DLC1: variants seen among roughly 807,000 people sequenced by gnomAD.
The protein encoded by DLC1 is rho GTPase-activating protein 7.
DLC1 carries 54 observed loss-of-function variants against 140.3 expected under a neutral mutation model. The observed-to-expected ratio is 0.38, with a 90% CI of 0.31 to 0.48. DLC1 has a LOEUF of 0.48. Among genes scored for constraint, DLC1 ranks in the 20% least tolerant of loss-of-function variants. DLC1 has a pLI of 0.96. For synonymous variants in DLC1, 986 were observed against 728.1 expected (o/e 1.35, Z -5.70); for missense variants, 2,536 against 1,907.0 (o/e 1.33, Z -6.14).
At chr8:13,110,134 C>T (rs1253687267) in intron 7 of DLC1, among the ~76,000 whole-genome samples, 3 of 152,150 alleles carry the variant, frequency 2.0e-5, no homozygotes, top group Non-Finnish European at 4.4e-5. Flanking sequence ...TCGACTGCTA[C>T]AGGTTTTATT....
rs533922900 is a variant in DLC1 at position 13,321,967 on chromosome 8, A to G, written c.1315-16665T>C. Reference sequence around the variant, plus strand: ...ATCTGGGTAAAAATTCCATTAACAAATGCTGCATTTTCATAGATCCTCTAT... The same window carrying G: ...ATCTGGGTAAAAATTCCATTAACAAGTGCTGCATTTTCATAGATCCTCTAT... On this transcript the variant is annotated intron_variant, in intron 4 of 17. Transcript: ENST00000276297. Among the ~76,000 whole-genome samples, 56 of 152,320 alleles carry G rather than the reference A, an allele frequency of 3.7e-4. 1 individual carries two copies. The East Asian group carries it at 0.01, about 28-fold the overall frequency.
intron 2 of DLC1, among the ~76,000 whole-genome samples, chr8:13,452,668 T>C (rs1799122434): frequency 6.6e-6 from 1 of 152,142 alleles, no homozygotes; most frequent in Non-Finnish European, 1.5e-5. Context: ...TGCTGGTACC[T>C]CACATATAGC....
At chr8:13,184,206 TTTC>T (rs1158936825) in intron 5 of DLC1, among the ~76,000 whole-genome samples, 1 of 152,196 alleles carries the variant, frequency 6.6e-6, no homozygotes, top group Non-Finnish European at 1.5e-5. Flanking sequence ...TCTTCTCTCT[TTTC>T]TTCTTTATTA....
At position 13,588,909 on chromosome 8, in the gene DLC1, C is replaced by T. The variant is rs150886697; in HGVS notation, c.-126+15628G>A. On this transcript the variant is annotated intron_variant, in intron 1 of 1. Transcript: ENST00000631382. Reference sequence around the variant, plus strand: ...GATAAGTGAGGAGGGAGAAGGTCACCTGTTTAACAAGCTACATTACCCCAA... The same window carrying T: ...GATAAGTGAGGAGGGAGAAGGTCACTTGTTTAACAAGCTACATTACCCCAA... Among the ~76,000 whole-genome samples the T allele has an allele frequency of 7.2e-5, 11 of 152,088 alleles. No homozygotes were observed. The East Asian group carries it at 2.1e-3, about 29-fold the overall frequency.
At chr8:13,377,449 G>A (rs1372085079) in intron 4 of DLC1, among the ~76,000 whole-genome samples, 1 of 152,080 alleles carries the variant, frequency 6.6e-6, no homozygotes, top group African/African-American at 2.4e-5. Flanking sequence ...ATTCAATAAC[G>A]GCTTTTATAA....
chr8:13,512,275 A>G (rs2117257011), intron 1 of DLC1, among the ~76,000 whole-genome samples: 1 of 151,994 alleles, frequency 6.6e-6, no homozygotes, highest in African/African-American at 2.4e-5. Flanking sequence ...CTCTAAGGAA[A>G]TGGCAGCTAT....
intron 2 of DLC1, among the ~76,000 whole-genome samples, chr8:13,468,422 C>T (rs1800049839): frequency 7.5e-6 from 1 of 133,814 alleles, no homozygotes; most frequent in African/African-American, 2.8e-5. Context: ...TATTATGATC[C>T]CAGGCCGGAG....
In DLC1 at chr8:13,126,410, T is replaced by C. The variant is rs75166308; in HGVS notation, c.1349-10753A>G. On this transcript the variant is annotated intron_variant, in intron 5 of 17. Transcript: ENST00000276297. ...ACACACACACACACACGTGTACGTA[T>C]TTCTAGTATTCCACGTCAAATATTT... 5.7e-4 allele frequency among the ~76,000 whole-genome samples: 78 copies of C among 136,418 alleles called. 1 individual carries two copies. The highest frequency in any genetic ancestry group is 2.3e-3 in the African/African-American group (78 of 33,662). The allele number at this position is 136,418 out of a possible 152,430, so 89.5% of individuals were successfully genotyped here. A position where few individuals can be genotyped will look rare whatever the true frequency, so the allele number is the denominator to read the frequency against.
At chr8:13,112,275 C>T (rs1373973055) in intron 6 of DLC1, among the ~76,000 whole-genome samples, 4 of 152,174 alleles carry the variant, frequency 2.6e-5, no homozygotes, top group South Asian at 2.1e-4. Flanking sequence ...CCAGCTCCTG[C>T]GGGTGCACAA....
At chr8:13,392,170 C>T (rs1836791715) in intron 4 of DLC1, among the ~76,000 whole-genome samples, 1 of 152,120 alleles carries the variant, frequency 6.6e-6, no homozygotes. Context: ...CTAGTTCCTC[C>T]TATTCCCAAT....
At chr8:13,544,343 A>T (rs945709209) in intron 1 of DLC1, among the ~76,000 whole-genome samples, 10 of 152,156 alleles carry the variant, frequency 6.6e-5, no homozygotes, top group Admixed American at 4.6e-4. Context: ...GATTGTTCTC[A>T]TATCTTATTA....
intron 5 of DLC1, among the ~76,000 whole-genome samples, chr8:13,248,124 G>T (rs1329868973): frequency 6.6e-6 from 1 of 152,192 alleles, no homozygotes; most frequent in Non-Finnish European, 1.5e-5. Flanking sequence ...CTGCCCAGTT[G>T]TTAAATGAAC....
Position 13,099,791 on chromosome 8 carries a change from A to T in DLC1, c.2546T>A (p.Ile849Asn), listed in dbSNP as rs1284301955. The T allele has an allele frequency of 6.2e-7, 1 of 1,614,040 alleles. No homozygotes were observed. The highest frequency in any genetic ancestry group is 1.7e-5 in the Admixed American group (1 of 60,018). ...RTGSFHGPGHISLRRENSSDS... is the reference protein window; with the variant it reads ...RTGSFHGPGHNSLRRENSSDS... ...GCTACTGTTTTCCCTCCTGAGGCTG[A>T]TGTGGCCAGGGCCGTGGAAGCTTCC... is the stretch of plus-strand genomic sequence containing the variant. Residue 849 changes from isoleucine to asparagine, a missense_variant, in exon 9 of 18, where the codon ATC becomes AAC. Ile to Asn is a moderately radical substitution (Grantham distance 149). Coordinates refer to ENST00000276297, the MANE Select transcript of DLC1 (RefSeq NM_182643.3).
At chr8:13,252,667 A>C (rs1348479011) in intron 5 of DLC1, among the ~76,000 whole-genome samples, 2 of 152,166 alleles carry the variant, frequency 1.3e-5, no homozygotes, top group Non-Finnish European at 2.9e-5. Context: ...GCAATAATGG[A>C]TATATAACCT....
intron 5 of DLC1, among the ~76,000 whole-genome samples, chr8:13,225,425 C>T (rs1161991347): frequency 6.6e-6 from 1 of 152,022 alleles, no homozygotes; most frequent in African/African-American, 2.4e-5. Context: ...CTCATTCACC[C>T]CCTTCCCCCT....
chr8:13,383,403 C>G (rs1049435285), intron 4 of DLC1, among the ~76,000 whole-genome samples: 12 of 152,272 alleles, frequency 7.9e-5, no homozygotes, highest in African/African-American at 2.9e-4. Context: ...AGGGGCTGTG[C>G]TTGAGGAAGT....
At chr8:13,435,316 T>C (rs1398848374) in intron 2 of DLC1, among the ~76,000 whole-genome samples, 1 of 152,110 alleles carries the variant, frequency 6.6e-6, no homozygotes, top group Non-Finnish European at 1.5e-5. Flanking sequence ...GGAGTTGTTT[T>C]TTCTTTTCTT....
At chr8:13,127,284 T>C (rs987373493) in intron 5 of DLC1, among the ~76,000 whole-genome samples, 6 of 152,216 alleles carry the variant, frequency 3.9e-5, no homozygotes, top group Admixed American at 6.5e-5. Context: ...TTTAGACATG[T>C]TGACTGGAAG....
At chr8:13,262,366 C>T (rs979288124) in intron 5 of DLC1, among the ~76,000 whole-genome samples, 4 of 151,616 alleles carry the variant, frequency 2.6e-5, no homozygotes, top group African/African-American at 4.8e-5. Flanking sequence ...TTGATAATCA[C>T]GTGATCCTAA....
Sources: allele counts gnomAD v4.1 joint callset (sites outside exome capture counted in the v4.1 genomes callset), GRCh38; gene constraint gnomAD v4.1.1; transcripts MANE v1.5; gene names NCBI Gene and HGNC (gene_info 2026-07-23, HGNC 2026-07-21).